KDM1A: variants seen among roughly 807,000 people sequenced by gnomAD.
KDM1A encodes the protein lysine demethylase 1A.
KDM1A carries 49 observed loss-of-function variants against 109.4 expected under a neutral mutation model. The observed-to-expected ratio is 0.45, with a 90% CI of 0.36 to 0.57. The LOEUF (loss-of-function observed/expected upper bound fraction) is 0.57. Ranked by LOEUF, KDM1A falls within the 20% of genes least tolerant of loss-of-function variation. KDM1A has a pLI of 0.00. For synonymous variants in KDM1A, 380 were observed against 415.4 expected (o/e 0.91, Z 1.04); for missense variants, 668 against 1,116.6 (o/e 0.60, Z 5.73).
chr1:23,036,994 C>A (rs1281794606), intron 2 of KDM1A, among the ~76,000 whole-genome samples: 1 of 151,966 alleles, frequency 6.6e-6, no homozygotes, highest in Non-Finnish European at 1.5e-5. Flanking sequence ...ATTTGTAGTC[C>A]AGTGGCCTGG....
At chr1:23,069,830 G>A (rs1411859380) in intron 12 of KDM1A, among the ~76,000 whole-genome samples, 1 of 152,214 alleles carries the variant, frequency 6.6e-6, no homozygotes, top group Non-Finnish European at 1.5e-5. Flanking sequence ...AGGCTCCAGC[G>A]CATTAAAGTC....
In KDM1A at chr1:23,055,969, G is replaced by T; in HGVS notation, c.921G>T (p.Gly307=). The part of the protein sequence containing the change: ...KTGKVIIIGS[G]VSGLAAARQL... Reference sequence around the variant, plus strand: ...GAAAGGTAATTATTATAGGCTCTGGGGTCTCAGGCTTGGCAGCAGCTCGAC... The same window carrying T: ...GAAAGGTAATTATTATAGGCTCTGGTGTCTCAGGCTTGGCAGCAGCTCGAC... Residue 307 remains glycine, a synonymous_variant, in exon 7 of 21, where the codon GGG becomes GGT. Transcript: ENST00000400181. 1 of 1,612,798 alleles carries T rather than the reference G, an allele frequency of 6.2e-7. No homozygotes were observed. Among genetic ancestry groups the T allele is most frequent in the Admixed American group, 1.7e-5 (1 of 59,966 alleles).
intron 2 of KDM1A, among the ~76,000 whole-genome samples, chr1:23,038,022 CAA>C (rs1278740140): frequency 6.6e-6 from 1 of 152,084 alleles, no homozygotes; most frequent in Non-Finnish European, 1.5e-5. Flanking sequence ...TTATGAGAAT[CAA>C]ATGAGAAAAT....
At chr1:23,081,640 A>AGCATT in intron 19 of KDM1A, 67 bp downstream of exon 19, 2 of 1,573,692 alleles carry the variant, frequency 1.3e-6, no homozygotes, top group South Asian at 2.3e-5. Context: ...ATGTATTTGC[A>AGCATT]GCATGTTCTT....
intron 2 of KDM1A, among the ~76,000 whole-genome samples, chr1:23,033,009 C>T (rs1200483963): frequency 2.0e-5 from 3 of 152,310 alleles, no homozygotes; most frequent in East Asian, 1.9e-4. Context: ...AGCAATTCTC[C>T]TGCCTCAGCC....
chr1:23,032,063 C>T (rs1326724249), intron 2 of KDM1A, among the ~76,000 whole-genome samples: 1 of 152,100 alleles, frequency 6.6e-6, no homozygotes, highest in Non-Finnish European at 1.5e-5. Context: ...GTGCTCTTTT[C>T]TTCTGTGTTC....
intron 3 of KDM1A, among the ~76,000 whole-genome samples, chr1:23,047,994 A>G (rs1642551136): frequency 6.6e-6 from 1 of 152,208 alleles, no homozygotes; most frequent in Non-Finnish European, 1.5e-5. Flanking sequence ...GTCATTGAAA[A>G]ATAGTATTTT....
chr1:23,050,368 C>T lies in KDM1A; in HGVS notation c.578-19C>T, dbSNP rs368066367. ...ATTCACTTGCACTTTTCCTAGATGT[C>T]CTTTGCTTTCTTCGTTAGGTGTGGA... On this transcript the variant is annotated intron_variant, in intron 3 of 20. Transcript: ENST00000400181. 3 of 1,593,322 alleles carry T rather than the reference C, an allele frequency of 1.9e-6. No individual in the cohort carries two copies. The highest frequency in any genetic ancestry group is 1.7e-6 in the Non-Finnish European group (2 of 1,172,072).
chr1:23,077,680 T>C (rs1376940855), intron 16 of KDM1A, among the ~76,000 whole-genome samples: 1 of 152,216 alleles, frequency 6.6e-6, no homozygotes, highest in Non-Finnish European at 1.5e-5. Context: ...ACCATGTCAG[T>C]GCTCAAAAAG....
In KDM1A at chr1:23,066,475, T is replaced by C. The variant is rs895106110; in HGVS notation, c.1179+404T>C. Among the ~76,000 whole-genome samples, 44 of 152,232 alleles carry C rather than the reference T, an allele frequency of 2.9e-4. 1 individual carries two copies. Among genetic ancestry groups the C allele is most frequent in the Middle Eastern group, 3.2e-3 (1 of 316 alleles). On this transcript the variant is annotated intron_variant, in intron 10 of 20. Transcript: ENST00000400181. ...TTTCAGTATGAACTTCCCTTTGTGA[T>C]TGTCATCCTAGTTGCAAAGATTAAA...
chr1:23,063,232 GT>G, intron 9 of KDM1A, among the ~76,000 whole-genome samples: 1 of 6,522 alleles, frequency 1.5e-4, no homozygotes, highest in South Asian at 2.1e-3. Context: ...GTGTGTGTGG[GT>G]GTGTGTGTGT....
At chr1:23,028,023 T>A (rs1641863469) in intron 1 of KDM1A, among the ~76,000 whole-genome samples, 1 of 152,226 alleles carries the variant, frequency 6.6e-6, no homozygotes, top group Non-Finnish European at 1.5e-5. Flanking sequence ...TCTCTTTTGT[T>A]CCTAAAGACT....
At chr1:23,042,455 T>TA (rs1642372011) in intron 2 of KDM1A, among the ~76,000 whole-genome samples, 7 of 97,888 alleles carry the variant, frequency 7.2e-5, no homozygotes, top group Non-Finnish European at 1.3e-4. Flanking sequence ...TTTTTTTTTT[T>TA]TTTTTTTTTT....
chr1:23,082,493 CAG>C (rs1643650532), intron 20 of KDM1A, 127 bp downstream of exon 20: 2 of 935,750 alleles, frequency 2.1e-6, no homozygotes, highest in Non-Finnish European at 3.0e-6. Context: ...TAACCAAGAG[CAG>C]AGTTAAAAGG....
At chr1:23,069,216 T>C in intron 12 of KDM1A, 65 bp downstream of exon 12, 1 of 1,025,002 alleles carries the variant, frequency 9.8e-7, no homozygotes, top group South Asian at 1.6e-5. Context: ...TTTAGAAATT[T>C]TAAAAGCATT....
At chr1:23,056,965 A>G (rs1642848613) in intron 7 of KDM1A, among the ~76,000 whole-genome samples, 1 of 152,116 alleles carries the variant, frequency 6.6e-6, no homozygotes, top group South Asian at 2.1e-4. Flanking sequence ...TATGTTCAGT[A>G]TGGACTCTCT....
intron 1 of KDM1A, among the ~76,000 whole-genome samples, chr1:23,022,087 G>T (rs1356790768): frequency 6.6e-6 from 1 of 152,160 alleles, no homozygotes; most frequent in Non-Finnish European, 1.5e-5. Flanking sequence ...GCACATTGGG[G>T]TTTGTTTCCA....
intron 2 of KDM1A, among the ~76,000 whole-genome samples, chr1:23,034,324 A>G (rs1642078800): frequency 1.3e-5 from 2 of 152,136 alleles, no homozygotes; most frequent in Non-Finnish European, 2.9e-5. Flanking sequence ...TTTTTAGGTC[A>G]TGCCAACTAA....
intron 16 of KDM1A, among the ~76,000 whole-genome samples, chr1:23,078,019 G>C (rs1447596455): frequency 6.6e-6 from 1 of 152,142 alleles, no homozygotes; most frequent in Admixed American, 6.5e-5. Context: ...GTTGGATTTT[G>C]AACTCCTCAA....
Sources: gnomAD v4.1 joint callset for allele counts (sites outside exome capture counted in the v4.1 genomes callset) on GRCh38, gnomAD v4.1.1 for gene constraint, MANE v1.5 for transcripts, NCBI Gene and HGNC (gene_info 2026-07-23, HGNC 2026-07-21) for gene names.